PALLD: variants seen among roughly 807,000 people sequenced by gnomAD.
The protein encoded by PALLD is palladin, cytoskeletal associated protein.
In PALLD, 61 loss-of-function variants were observed where a neutral mutation model predicts 123.5. That is an observed-to-expected ratio of 0.49 (90% CI 0.40 to 0.61). PALLD has a LOEUF of 0.61. Among genes scored for constraint, PALLD ranks in the 20% least tolerant of loss-of-function variants. The pLI is 0.00. For missense variants in PALLD, 1,273 were observed against 1,377.0 expected (o/e 0.92, Z 1.20); for synonymous variants, 465 against 496.4 (o/e 0.94, Z 0.84).
intron 10 of PALLD, among the ~76,000 whole-genome samples, chr4:168,771,955 G>GA (rs1734518289): frequency 6.6e-6 from 1 of 152,158 alleles, no homozygotes; most frequent in Non-Finnish European, 1.5e-5. Flanking sequence ...TTTGTAAATA[G>GA]AAACTTGTTT....
At chr4:168,794,490 G>GCA (rs1386240845) in intron 10 of PALLD, among the ~76,000 whole-genome samples, 5 of 136,850 alleles carry the variant, frequency 3.7e-5, no homozygotes, top group Non-Finnish European at 7.7e-5. Flanking sequence ...ACACACACAT[G>GCA]CACGCACACA....
At chr4:168,708,395 A>G (rs1333271426) in intron 8 of PALLD, among the ~76,000 whole-genome samples, 1 of 152,178 alleles carries the variant, frequency 6.6e-6, no homozygotes, top group Non-Finnish European at 1.5e-5. Flanking sequence ...GGAGAAGAAC[A>G]CTGAAGTTCA....
chr4:168,786,991 C>G (rs1736853493), intron 10 of PALLD, among the ~76,000 whole-genome samples: 1 of 152,166 alleles, frequency 6.6e-6, no homozygotes, highest in African/African-American at 2.4e-5. Context: ...AACTTATTAT[C>G]TATCCATCTA....
rs909154346 is a variant in PALLD, at chr4:168,512,502, A to G, written c.908+90A>G. Reference sequence around the variant, plus strand: ...AGGAAGAAAGATTTCCTGTGTCATTAGCCCTCTGGAGACTGAGGTAGAGTA... The same window carrying G: ...AGGAAGAAAGATTTCCTGTGTCATTGGCCCTCTGGAGACTGAGGTAGAGTA... On this transcript the variant is annotated intron_variant, in intron 2 of 21. Coordinates refer to ENST00000505667, the MANE Select transcript of PALLD (RefSeq NM_001166108.2). 3 of 1,193,056 alleles carry G rather than the reference A, an allele frequency of 2.5e-6. No homozygotes were observed. In the African/African-American group the frequency reaches 4.5e-5, roughly 18 times the overall value. The allele number at this position is 1,193,056 out of a possible 1,614,324, so 73.9% of individuals were successfully genotyped here.
rs879411684 is a variant in PALLD at position 168,811,774 on chromosome 4, T to TCACACACACA, written c.1965-79147_1965-79146insACACACACAC. Among the ~76,000 whole-genome samples, 20 of 109,510 alleles carry TCACACACACA rather than the reference T, an allele frequency of 1.8e-4. No individual in the cohort carries two copies. In the East Asian group the frequency reaches 3.2e-3, roughly 18 times the overall value. 71.8% of individuals were successfully genotyped at this position (109,510 alleles called of 152,430 possible). ...CTCTCTCTTTCTCTCTCTCTCTCTC[T>TCACACACACA]CTCACACACACACACACACACACAC... On this transcript the variant is annotated intron_variant, in intron 10 of 21. Transcript: ENST00000505667.
At chr4:168,863,338 T>C (rs12332078) in intron 10 of PALLD, among the ~76,000 whole-genome samples, 6,542 of 152,226 alleles carry the variant, frequency 0.043, 461 homozygotes, top group African/African-American at 0.14. Context: ...CCAGGCAGCA[T>C]TGAACAGCTC....
At chr4:168,644,341 A>G (rs10031323) in intron 2 of PALLD, among the ~76,000 whole-genome samples, 96,179 of 151,912 alleles carry the variant, frequency 0.63, 32,582 homozygotes, top group African/African-American at 0.9. Context: ...TCCTGCCTCC[A>G]GCCACCCAAT....
chr4:168,771,076 C>A (rs67236626), intron 10 of PALLD, among the ~76,000 whole-genome samples: 778 of 36,690 alleles, frequency 0.021, 17 homozygotes, highest in African/African-American at 0.064. Flanking sequence ...AAAAAAAAAA[C>A]AAAAAAAAAA....
intron 13 of PALLD, chr4:168,898,122 C>T (rs1755646442): frequency 6.8e-6 from 2 of 294,120 alleles, no homozygotes; most frequent in Non-Finnish European, 1.3e-5. Flanking sequence ...CAGCTTTTAC[C>T]CTACAGAAGG....
chr4:168,776,980 A>T (rs1376143010), intron 10 of PALLD, among the ~76,000 whole-genome samples: 3 of 152,130 alleles, frequency 2.0e-5, no homozygotes, highest in Admixed American at 1.3e-4. Flanking sequence ...TAGCTACGGT[A>T]GCTACAGTTT....
chr4:168,579,267 C>A (rs906964144), intron 2 of PALLD, among the ~76,000 whole-genome samples: 1 of 152,074 alleles, frequency 6.6e-6, no homozygotes, highest in Non-Finnish European at 1.5e-5. Flanking sequence ...TCATGTAATT[C>A]GGGTAAGAAT....
rs116694965 is a variant in PALLD at position 168,497,944 on chromosome 4, T to C, written c.-83+750T>C. The stretch of plus-strand genomic sequence containing the variant: ...ATTACTTATTAACATTTGCTAAAAA[T>C]ACTAATTGCCTTCTAGTATGAATAA... On this transcript the variant is annotated intron_variant, in intron 1 of 21. Transcript: ENST00000505667. 1.9e-3 allele frequency among the ~76,000 whole-genome samples: 287 copies of C among 152,338 alleles called. 1 individual carries two copies. The highest frequency in any genetic ancestry group is 6.8e-3 in the African/African-American group (284 of 41,580).
intron 2 of PALLD, among the ~76,000 whole-genome samples, chr4:168,514,771 A>G (rs1561197062): frequency 6.6e-6 from 1 of 152,188 alleles, no homozygotes; most frequent in Non-Finnish European, 1.5e-5. Flanking sequence ...CCCTTGAAGT[A>G]TACTACAACC....
intron 9 of PALLD, among the ~76,000 whole-genome samples, chr4:168,710,577 C>T (rs963715257): frequency 6.6e-6 from 1 of 152,116 alleles, no homozygotes; most frequent in Non-Finnish European, 1.5e-5. Context: ...AGAGTGGCAA[C>T]TGTAAATGCT....
chr4:168,711,526 A>G (rs1354335160), intron 9 of PALLD, 55 bp from the exon 10 acceptor site: 3 of 1,202,484 alleles, frequency 2.5e-6, no homozygotes, highest in Middle Eastern at 1.9e-4. Flanking sequence ...GTGTGAAATC[A>G]CTTGTTGAAC....
intron 11 of PALLD, chr4:168,894,365 G>A (rs981943309): frequency 3.5e-6 from 2 of 575,650 alleles, no homozygotes; most frequent in East Asian, 6.1e-5. Flanking sequence ...TGTACCAATT[G>A]GTGGCTCTCT....
At chr4:168,736,234 T>A (rs531420244) in intron 10 of PALLD, among the ~76,000 whole-genome samples, 1 of 152,336 alleles carries the variant, frequency 6.6e-6, no homozygotes. Context: ...ATTACTACAC[T>A]TTTATTCTGG....
intron 1 of PALLD, among the ~76,000 whole-genome samples, chr4:168,503,278 A>G (rs548982552): frequency 9.2e-5 from 14 of 152,318 alleles, no homozygotes; most frequent in African/African-American, 2.9e-4. Context: ...AGCAAATTAT[A>G]TTGATTGGGG....
At chr4:168,835,160 C>T (rs1381491727) in intron 10 of PALLD, among the ~76,000 whole-genome samples, 1 of 152,034 alleles carries the variant, frequency 6.6e-6, no homozygotes, top group African/African-American at 2.4e-5. Context: ...GTATATTTTC[C>T]ACTTCAACAA....
Sources: allele counts gnomAD v4.1 joint callset (sites outside exome capture counted in the v4.1 genomes callset), GRCh38; gene constraint gnomAD v4.1.1; transcripts MANE v1.5; gene names NCBI Gene and HGNC (gene_info 2026-07-23, HGNC 2026-07-21).